Variants in IFT80 observed in about 807,000 individuals in gnomAD.
IFT80 encodes the protein intraflagellar transport protein 80 homolog.
Under a neutral mutation model 107.9 loss-of-function variants are expected in IFT80, and 79 were observed. The ratio of observed to expected loss-of-function variants is 0.73; its 90% CI spans 0.61 to 0.88. IFT80 has a LOEUF of 0.88. Ranked by LOEUF, IFT80 falls within the 40% of genes least tolerant of loss-of-function variation. The pLI is 0.00. For synonymous variants in IFT80, 299 were observed against 300.9 expected, an observed-to-expected ratio of 0.99 and a Z score of 0.07; for missense variants, 797 against 914.2, an observed-to-expected ratio of 0.87 and a Z score of 1.65.
intron 1 of IFT80, among the ~76,000 whole-genome samples, chr3:160,396,713 C>T (rs1365447682): frequency 6.6e-6 from 1 of 152,048 alleles, no homozygotes; most frequent in Admixed American, 6.6e-5. Flanking sequence ...TGACTGTAAC[C>T]CAGTCTTTTC....
chr3:160,276,402 T>C (rs1470262708), intron 18 of IFT80, among the ~76,000 whole-genome samples: 4 of 152,122 alleles, frequency 2.6e-5, no homozygotes, highest in Admixed American at 6.6e-5. Context: ...CTATAGAAAT[T>C]CTAATCTAAG....
At chr3:160,261,117 T>C (rs1712789421) in intron 19 of IFT80, among the ~76,000 whole-genome samples, 1 of 152,158 alleles carries the variant, frequency 6.6e-6, no homozygotes, top group Non-Finnish European at 1.5e-5. Context: ...CTCATCATCC[T>C]TGGCTCTCTA....
chr3:160,334,000 C>T (rs934426189), intron 8 of IFT80, among the ~76,000 whole-genome samples: 6 of 152,138 alleles, frequency 3.9e-5, no homozygotes, highest in Admixed American at 1.3e-4. Flanking sequence ...ATGGCTATGA[C>T]ATCACTAGGC....
chr3:160,304,266 CTAAGTT>C (rs1236755324), intron 10 of IFT80, among the ~76,000 whole-genome samples: 1 of 152,054 alleles, frequency 6.6e-6, no homozygotes, highest in Admixed American at 6.6e-5. Context: ...CTGAGGAATT[CTAAGTT>C]TGAGTTCTGC....
At chr3:160,350,985 T>C (rs530046424) in intron 8 of IFT80, among the ~76,000 whole-genome samples, 1 of 152,176 alleles carries the variant, frequency 6.6e-6, no homozygotes, top group South Asian at 2.1e-4. Flanking sequence ...GATAAAGCTA[T>C]TTTTTCCCTT....
At chr3:160,325,520 A>T (rs912849333) in intron 8 of IFT80, among the ~76,000 whole-genome samples, 2 of 152,116 alleles carry the variant, frequency 1.3e-5, no homozygotes, top group Admixed American at 6.6e-5. Flanking sequence ...AGTCCACATG[A>T]ACCAACAAAA....
chr3:160,307,563 T>C (rs1227047489), intron 10 of IFT80, 100 bp downstream of exon 10: 5 of 779,370 alleles, frequency 6.4e-6, no homozygotes, highest in South Asian at 4.1e-5. Flanking sequence ...TTTGAGAAAG[T>C]TAAGCTTAAA....
intron 8 of IFT80, among the ~76,000 whole-genome samples, chr3:160,322,678 C>T (rs1333285715): frequency 2.0e-5 from 3 of 152,026 alleles, no homozygotes; most frequent in Admixed American, 1.3e-4. Context: ...CCTATTTCTC[C>T]ACATCCTCTC....
At chr3:160,329,920 A>C (rs1718968034) in intron 8 of IFT80, among the ~76,000 whole-genome samples, 1 of 151,998 alleles carries the variant, frequency 6.6e-6, no homozygotes. Context: ...CTACACTGTT[A>C]CTTATCTTAC....
At chr3:160,351,090 C>T (rs1720665555) in intron 8 of IFT80, among the ~76,000 whole-genome samples, 1 of 151,748 alleles carries the variant, frequency 6.6e-6, no homozygotes, top group Non-Finnish European at 1.5e-5. Flanking sequence ...TCACCTATCA[C>T]CACTTATGAC....
intron 16 of IFT80, among the ~76,000 whole-genome samples, chr3:160,278,853 T>A (rs1314428537): frequency 6.6e-6 from 1 of 152,144 alleles, no homozygotes; most frequent in Non-Finnish European, 1.5e-5. Context: ...AAAACAATCA[T>A]CTGAGGAAAT....
At chr3:160,384,469 A>T in intron 2 of IFT80, 95 bp downstream of exon 2, 1 of 1,374,054 alleles carries the variant, frequency 7.3e-7, no homozygotes, top group Non-Finnish European at 9.6e-7. Flanking sequence ...ATGAAAAAAA[A>T]AATCTATTCT....
chr3:160,376,992 A>C (rs1712076902), intron 4 of IFT80, among the ~76,000 whole-genome samples: 1 of 152,178 alleles, frequency 6.6e-6, no homozygotes, highest in African/African-American at 2.4e-5. Context: ...GACCCACAGA[A>C]ACTATCAGGT....
intron 10 of IFT80, among the ~76,000 whole-genome samples, chr3:160,305,934 A>C (rs1387199463): frequency 2.0e-5 from 3 of 152,122 alleles, no homozygotes; most frequent in African/African-American, 7.2e-5. Context: ...GAATAATAAT[A>C]AACATGAAAG....
intron 8 of IFT80, among the ~76,000 whole-genome samples, chr3:160,354,654 A>AAAAT (rs1034718229): frequency 3.3e-5 from 5 of 152,232 alleles, no homozygotes; most frequent in East Asian, 1.9e-4. Flanking sequence ...CTCCGTCTCA[A>AAAAT]AAATAAATAA....
At chr3:160,293,437 TG>T (rs1402107993) in intron 12 of IFT80, among the ~76,000 whole-genome samples, 1 of 152,204 alleles carries the variant, frequency 6.6e-6, no homozygotes, top group Non-Finnish European at 1.5e-5. Flanking sequence ...CTGATAGTAC[TG>T]GGAATGGAAT....
intron 8 of IFT80, among the ~76,000 whole-genome samples, chr3:160,342,378 G>A (rs1315375818): frequency 6.6e-6 from 1 of 152,100 alleles, no homozygotes; most frequent in Non-Finnish European, 1.5e-5. Flanking sequence ...TTTATAAAGT[G>A]TTGATATATC....
Position 160,356,968 on chromosome 3 carries a change from G to C in IFT80, c.639+521C>G, listed in dbSNP as rs77244976. On this transcript the variant is annotated intron_variant, in intron 7 of 19. Coordinates refer to ENST00000326448, the MANE Select transcript of IFT80 (RefSeq NM_020800.3). ...CTACAAATTATTTTGACCTGAAATT[G>C]ATCAATATTTAGTAAACCAGCAGGG... 3.9e-5 allele frequency among the ~76,000 whole-genome samples: 6 copies of C among 152,086 alleles called. No individual in the cohort carries two copies. In the East Asian group the frequency reaches 5.8e-4, roughly 15 times the overall value.
chr3:160,358,700 G>A (rs946222858), intron 6 of IFT80, among the ~76,000 whole-genome samples: 5 of 152,000 alleles, frequency 3.3e-5, no homozygotes, highest in African/African-American at 9.7e-5. Flanking sequence ...TAAATATTGC[G>A]TATTCAAGAT....
Sources: gnomAD v4.1 joint callset for allele counts (sites outside exome capture counted in the v4.1 genomes callset) on GRCh38, gnomAD v4.1.1 for gene constraint, MANE v1.5 for transcripts, NCBI Gene and HGNC (gene_info 2026-07-23, HGNC 2026-07-21) for gene names.